VAV2: variants seen among roughly 807,000 people sequenced by gnomAD.
The protein encoded by VAV2 is vav guanine nucleotide exchange factor 2.
A neutral mutation model predicts 132.5 loss-of-function variants in VAV2; 67 were observed. That is an observed-to-expected ratio of 0.51 (90% CI 0.42 to 0.62). VAV2 has a LOEUF of 0.62. Ranked by LOEUF, VAV2 falls within the 20% of genes least tolerant of loss-of-function variation. The pLI is 0.00. For synonymous variants in VAV2, 492 were observed against 443.5 expected (o/e 1.11, Z -1.37); for missense variants, 938 against 1,153.6 (o/e 0.81, Z 2.71).
chr9:133,937,466 T>G (rs1278911497), intron 2 of VAV2, among the ~76,000 whole-genome samples: 1 of 149,674 alleles, frequency 6.7e-6, no homozygotes, highest in Non-Finnish European at 1.5e-5. Flanking sequence ...TGAGTGTGAG[T>G]GTGAACATGT....
chr9:133,773,872 C>T (rs1040120391), intron 25 of VAV2, among the ~76,000 whole-genome samples: 2 of 152,178 alleles, frequency 1.3e-5, no homozygotes, highest in African/African-American at 4.8e-5. Context: ...TTGTCCTATG[C>T]TTCTATATGA....
Position 133,945,580 on chromosome 9 carries a change from C to T in VAV2, c.205-6361G>A, listed in dbSNP as rs539855783. 5.9e-5 allele frequency among the ~76,000 whole-genome samples: 9 copies of T among 152,350 alleles called. No homozygotes were observed. The South Asian group carries it at 1.7e-3, about 28-fold the overall frequency. ...CCCCAGCCTCTGGCAGGCCCATGCC[C>T]GGGAAAGTCCCTTTGGCTGCCCCAC... On this transcript the variant is annotated intron_variant, in intron 1 of 29. Coordinates refer to ENST00000371850, the MANE Select transcript of VAV2 (RefSeq NM_001134398.2).
Position 133,810,221 on chromosome 9 carries a change from A to C in VAV2, c.553-16T>G, listed in dbSNP as rs753769088. ...TGTATCTAATCTGCAAGCGTGGAGAAAGAACCAGAAACAGCGCCGGTTAGC... is the reference window on the plus strand; with the variant it reads ...TGTATCTAATCTGCAAGCGTGGAGACAGAACCAGAAACAGCGCCGGTTAGC... On this transcript the variant is annotated splice_polypyrimidine_tract_variant and intron_variant, in intron 5 of 29. Coordinates refer to ENST00000371850, the MANE Select transcript of VAV2 (RefSeq NM_001134398.2). 22 of 1,613,288 alleles carry C rather than the reference A, an allele frequency of 1.4e-5. No homozygotes were observed. In the East Asian group the frequency reaches 2.9e-4, roughly 21 times the overall value.
chr9:133,975,420 C>G (rs1842473503), intron 1 of VAV2, among the ~76,000 whole-genome samples: 1 of 152,200 alleles, frequency 6.6e-6, no homozygotes, highest in African/African-American at 2.4e-5. Flanking sequence ...AGCCTCAGAG[C>G]CTTACAAAAC....
In VAV2 at chr9:133,969,798, C is replaced by A. The variant is rs1434609307; in HGVS notation, c.204+22277G>T. 6.6e-6 allele frequency among the ~76,000 whole-genome samples: 1 copy of A among 152,076 alleles called. No individual in the cohort carries two copies. Among genetic ancestry groups the A allele is most frequent in the African/African-American group, 2.4e-5 (1 of 41,406 alleles). On this transcript the variant is annotated intron_variant, in intron 1 of 29. Coordinates refer to ENST00000371850, the MANE Select transcript of VAV2 (RefSeq NM_001134398.2). The surrounding 1 kb of genome is among the most constrained non-coding windows in gnomAD (Gnocchi z 5.1). ...CTCTCCCCACCCCCCAGCCTGGACA[C>A]CCCCATCTGCCTCTGCCCCAGCCTC... is the stretch of plus-strand genomic sequence containing the variant.
chr9:133,850,673 G>T (rs1837131798), intron 3 of VAV2, among the ~76,000 whole-genome samples: 1 of 152,128 alleles, frequency 6.6e-6, no homozygotes, highest in Non-Finnish European at 1.5e-5. Flanking sequence ...TCTGAAATGT[G>T]AGCCAGCAGG....
At chr9:133,775,832 G>C (rs1403802213) in intron 24 of VAV2, among the ~76,000 whole-genome samples, 196 bp downstream of exon 24, 3 of 152,250 alleles carry the variant, frequency 2.0e-5, no homozygotes, top group Non-Finnish European at 4.4e-5. Flanking sequence ...GACTCCCCCA[G>C]GCTCCTGGAG....
intron 4 of VAV2, among the ~76,000 whole-genome samples, chr9:133,830,156 T>A (rs775128620): frequency 6.6e-6 from 1 of 152,196 alleles, no homozygotes; most frequent in African/African-American, 2.4e-5. Flanking sequence ...CCCAAACAGC[T>A]GCAGAGTGTC....
Position 133,840,357 on chromosome 9 carries a change from G to T in VAV2, c.381-6017C>A, listed in dbSNP as rs1390277246. 6.6e-6 allele frequency among the ~76,000 whole-genome samples: 1 copy of T among 152,126 alleles called. No individual in the cohort carries two copies. The highest frequency in any genetic ancestry group is 1.5e-5 in the Non-Finnish European group (1 of 68,018). ...TCCCCAGCAGAGCCCGCGTTGGGCAGCAGCCCCTCCTCCCAAACGACCCAT... is the reference window on the plus strand; with the variant it reads ...TCCCCAGCAGAGCCCGCGTTGGGCATCAGCCCCTCCTCCCAAACGACCCAT... On this transcript the variant is annotated intron_variant, in intron 3 of 29. Transcript: ENST00000371850. The surrounding 1 kb of genome is among the most constrained non-coding windows in gnomAD (Gnocchi z 4.5).
Position 133,771,961 on chromosome 9 carries a change from G to C in VAV2, c.2221C>G (p.Leu741Val). Residue 741 changes from leucine (L) to valine (V), a missense_variant and splice_region_variant, in exon 26 of 30, where the codon CTG (leucine) becomes GTG (valine). By Grantham distance (32) the Leu-to-Val change is conservative. Coordinates refer to ENST00000371850, the MANE Select transcript of VAV2 (RefSeq NM_001134398.2). ...ITEAKKFDSL[L>V]ELVEYYQCHS... ...GGCCGGAGCCAGAAGTCACCTACCA[G>C]GAGGCTGTCGAATTTCTTGGCCTCT... The C allele has an allele frequency of 6.2e-7, 1 of 1,614,010 alleles. No homozygotes were observed. The highest frequency in any genetic ancestry group is 1.1e-5 in the South Asian group (1 of 91,080).
intron 2 of VAV2, among the ~76,000 whole-genome samples, chr9:133,927,559 G>A (rs1840523963): frequency 6.6e-6 from 1 of 152,236 alleles, no homozygotes; most frequent in African/African-American, 2.4e-5. Flanking sequence ...CTGCTCTTGA[G>A]GTCTTGGCCA....
intron 3 of VAV2, among the ~76,000 whole-genome samples, chr9:133,839,521 G>C (rs1836632825): frequency 6.6e-6 from 1 of 151,620 alleles, no homozygotes; most frequent in Non-Finnish European, 1.5e-5. Context: ...CATGATCTCG[G>C]CTCACTGCAA....
chr9:133,897,737 A>C (rs903264413), intron 2 of VAV2, among the ~76,000 whole-genome samples: 1 of 152,194 alleles, frequency 6.6e-6, no homozygotes, highest in South Asian at 2.1e-4. Context: ...AAGTCGCCTA[A>C]GGTCAAGATA....
At position 133,855,894 on chromosome 9, in the gene VAV2, T is replaced by C. The variant is rs1837365588; in HGVS notation, c.380+5480A>G. 2.0e-5 allele frequency among the ~76,000 whole-genome samples: 3 copies of C among 152,024 alleles called. 1 individual carries two copies. Among genetic ancestry groups the C allele is most frequent in the African/African-American group, 7.3e-5 (3 of 41,366 alleles). On this transcript the variant is annotated intron_variant, in intron 3 of 29. Transcript: ENST00000371850. ...AATGCTAGTCACAGGAGCCAAAAGG[T>C]GGAAACAGGCCAGAGTTCATCACGT...
rs2131950806 is a variant in VAV2, at chr9:133,884,998, G to A, written c.322-23566C>T. 6.6e-6 allele frequency among the ~76,000 whole-genome samples: 1 copy of A among 152,310 alleles called. No individual in the cohort carries two copies. The highest frequency in any genetic ancestry group is 1.9e-4 in the East Asian group (1 of 5,176). ...CCTAGATCATTCCAAAGACTCCAAA[G>A]ATAATGCCAAAGGCTCCACTTCCAG... is the stretch of plus-strand genomic sequence containing the variant. On this transcript the variant is annotated intron_variant, in intron 2 of 29. Coordinates refer to ENST00000371850, the MANE Select transcript of VAV2 (RefSeq NM_001134398.2). The surrounding 1 kb of genome is among the most constrained non-coding windows in gnomAD (Gnocchi z 5.3).
intron 4 of VAV2, among the ~76,000 whole-genome samples, chr9:133,813,798 C>T (rs554551527): frequency 4.7e-4 from 72 of 152,356 alleles, no homozygotes; most frequent in East Asian, 1.7e-3. Context: ...ACTGATCGAA[C>T]CCTCCAACCA....
In VAV2 at chr9:133,840,614, AG is replaced by A. The variant is rs1460149522; in HGVS notation, c.381-6275del. Among the ~76,000 whole-genome samples the A allele has an allele frequency of 6.6e-6, 1 of 152,234 alleles. No individual in the cohort carries two copies. Among genetic ancestry groups the A allele is most frequent in the African/African-American group, 2.4e-5 (1 of 41,454 alleles). On this transcript the variant is annotated intron_variant, in intron 3 of 29. Transcript: ENST00000371850. This position sits in a 1 kb window ranked among gnomAD's most constrained non-coding sequence, Gnocchi z 4.5. Reference sequence around the variant, plus strand: ...CAAACCCAAACCCCGAAGGAAGAGCAGAGGAAACACAGCTCCTGCTTCCAAA... The same window carrying A: ...CAAACCCAAACCCCGAAGGAAGAGCAAGGAAACACAGCTCCTGCTTCCAAA...
chr9:133,817,465 CAA>C (rs1305351877), intron 4 of VAV2, among the ~76,000 whole-genome samples: 3 of 152,014 alleles, frequency 2.0e-5, no homozygotes, highest in Non-Finnish European at 2.9e-5. Context: ...CCAGCCTGGC[CAA>C]TATGGTGAAA....
At chr9:133,835,709 C>T (rs1000764571) in intron 3 of VAV2, among the ~76,000 whole-genome samples, 2 of 152,176 alleles carry the variant, frequency 1.3e-5, no homozygotes, top group Non-Finnish European at 2.9e-5. Flanking sequence ...CCAGCAGGGA[C>T]GCGCGGTCCG....
Sources: allele counts gnomAD v4.1 joint callset (sites outside exome capture counted in the v4.1 genomes callset), GRCh38; gene constraint gnomAD v4.1.1; non-coding constraint Gnocchi (gnomAD v3.1); transcripts MANE v1.5; gene names NCBI Gene and HGNC (gene_info 2026-07-23, HGNC 2026-07-21).